DNM2: variants seen among roughly 807,000 people sequenced by gnomAD.
DNM2 encodes dynamin 2.
Under a neutral mutation model 99.0 loss-of-function variants are expected in DNM2, and 15 were observed. That is an observed-to-expected ratio of 0.15 (90% confidence interval 0.10 to 0.23). DNM2 has a LOEUF of 0.23. DNM2 is among the 10% of genes least tolerant of loss of function. The pLI is 1.00. For synonymous variants in DNM2, 525 were observed against 481.2 expected, an observed-to-expected ratio of 1.09 and a Z score of -1.19; for missense variants, 742 against 1,189.4, an observed-to-expected ratio of 0.62 and a Z score of 5.53.
intron 4 of DNM2, 21 bp from the exon 5 acceptor site, chr19:10,777,097 C>G: frequency 6.2e-7 from 1 of 1,613,958 alleles, no homozygotes. Flanking sequence ...CCTCTGACCT[C>G]TGACCTCTGG....
At chr19:10,808,338 A>G (rs529869241) in intron 13 of DNM2, among the ~76,000 whole-genome samples, 90 of 152,152 alleles carry the variant, frequency 5.9e-4, no homozygotes, top group South Asian at 2.1e-3. Flanking sequence ...GGTAATACAT[A>G]TGTTGTTGCT....
chr19:10,787,844 G>C (rs2071616429), intron 7 of DNM2, among the ~76,000 whole-genome samples: 1 of 151,442 alleles, frequency 6.6e-6, no homozygotes, highest in African/African-American at 2.4e-5. Context: ...CAAGAGAATT[G>C]CTTGAACCCA....
At chr19:10,747,448 G>C (rs575219914) in intron 1 of DNM2, among the ~76,000 whole-genome samples, 1 of 152,346 alleles carries the variant, frequency 6.6e-6, no homozygotes, top group South Asian at 2.1e-4. Context: ...GATGAGACCA[G>C]GGAGCAGGTG....
intron 1 of DNM2, among the ~76,000 whole-genome samples, chr19:10,720,678 C>T (rs1266248178): frequency 6.6e-6 from 1 of 152,028 alleles, no homozygotes. Context: ...TGCAGTGAGC[C>T]GTGATTGCAC....
intron 1 of DNM2, among the ~76,000 whole-genome samples, chr19:10,720,224 T>A (rs190735237): frequency 3.1e-4 from 47 of 150,672 alleles, no homozygotes; most frequent in South Asian, 1.7e-3. Flanking sequence ...TTATTTTTTT[T>A]TTTTTTGAGA....
rs1568305184 is a variant in DNM2 at position 10,795,389 on chromosome 19, G to A, written c.1146G>A (p.Lys382=). Reference sequence around the variant, plus strand: ...CTTCTCAGATGGAGTTTGACGAGAAGGACTTACGACGGGAGATCAGCTATG... The same window carrying A: ...CTTCTCAGATGGAGTTTGACGAGAAAGACTTACGACGGGAGATCAGCTATG... ...FELVKMEFDE[K]DLRREISYAI... The change falls in exon 9 of 21, where the codon AAG becomes AAA. Residue 382 remains lysine (K), a synonymous_variant. Transcript: ENST00000389253. This position sits in a 1 kb window ranked among gnomAD's most constrained non-coding sequence, Gnocchi z 4.2. 9.3e-6 allele frequency: 15 copies of A among 1,614,054 alleles called. No individual in the cohort carries two copies. Among genetic ancestry groups the A allele is most frequent in the Admixed American group, 1.7e-5 (1 of 59,994 alleles).
chr19:10,831,439 A>G lies in DNM2; in HGVS notation c.*392A>G, dbSNP rs1272358310. On this transcript the variant is annotated 3_prime_UTR_variant, in exon 21 of 21. Coordinates refer to ENST00000389253, the MANE Select transcript of DNM2 (RefSeq NM_001005361.3). The surrounding 1 kb of genome is among the most constrained non-coding windows in gnomAD (Gnocchi z 4.3). ...AAGTGCGGGCACCAAGGGCGCCTAC[A>G]TCCCCAGGCCTTGCTGGGGTGCAGG... The G allele has an allele frequency of 2.0e-6, 2 of 1,011,814 alleles. No individual in the cohort carries two copies. Among genetic ancestry groups the G allele is most frequent in the Non-Finnish European group, 2.4e-6 (2 of 847,468 alleles). 62.7% of individuals were successfully genotyped at this position (1,011,814 alleles called of 1,614,324 possible).
intron 18 of DNM2, among the ~76,000 whole-genome samples, chr19:10,827,924 A>G (rs2073197690): frequency 1.3e-5 from 2 of 152,182 alleles, no homozygotes; most frequent in Non-Finnish European, 2.9e-5. Flanking sequence ...AGGAGGTTCC[A>G]GAAAGGACAA....
chr19:10,787,859 G>A (rs189211462), intron 7 of DNM2, among the ~76,000 whole-genome samples: 437 of 152,014 alleles, frequency 2.9e-3, no homozygotes, highest in African/African-American at 0.01. Flanking sequence ...AACCCAGGAG[G>A]TTGAGGTTGC....
chr19:10,831,431 G>A lies in DNM2; in HGVS notation c.*384G>A. Reference sequence around the variant, plus strand: ...CCTTCTATAAGTGCGGGCACCAAGGGCGCCTACATCCCCAGGCCTTGCTGG... The same window carrying A: ...CCTTCTATAAGTGCGGGCACCAAGGACGCCTACATCCCCAGGCCTTGCTGG... On this transcript the variant is annotated 3_prime_UTR_variant, in exon 21 of 21. Transcript: ENST00000389253. The surrounding 1 kb of genome is among the most constrained non-coding windows in gnomAD (Gnocchi z 4.3). The A allele has an allele frequency of 2.9e-6, 3 of 1,018,312 alleles. No individual in the cohort carries two copies. The highest frequency in any genetic ancestry group is 2.3e-6 in the Non-Finnish European group (2 of 851,654). The allele number at this position is 1,018,312 out of a possible 1,614,324, so 63.1% of individuals were successfully genotyped here.
rs113004875 is a variant in DNM2 at position 10,760,043 on chromosome 19, C to CT, written c.235+240dup. Among the ~76,000 whole-genome samples the CT allele has an allele frequency of 0.016, 2,354 of 151,794 alleles. 65 individuals are homozygous for CT. Among genetic ancestry groups the CT allele is most frequent in the African/African-American group, 0.054 (2,223 of 41,354 alleles). On this transcript the variant is annotated intron_variant, in intron 2 of 20. Coordinates refer to ENST00000389253, the MANE Select transcript of DNM2 (RefSeq NM_001005361.3). ...AGGTGCCATGTGTGCTTTCTTTTTT[C>CT]TTTTTTTTGAGACAGAGTCTCACTC...
chr19:10,802,520 C>T (rs2072189563), intron 12 of DNM2, 162 bp downstream of exon 12: 1 of 797,896 alleles, frequency 1.3e-6, no homozygotes. Flanking sequence ...TGGAAGCTCT[C>T]CTGGGCTGAT....
In DNM2 at chr19:10,816,998, T is replaced by C. The variant is rs1285371824; in HGVS notation, c.1672-2982T>C. Among the ~76,000 whole-genome samples the C allele has an allele frequency of 6.6e-6, 1 of 152,138 alleles. No homozygotes were observed. The highest frequency in any genetic ancestry group is 1.5e-5 in the Non-Finnish European group (1 of 68,006). ...GCCGACCTGTGAAAGGGGCCCTGTGTGAGCCCCAGACACAAAGCAGGCTCC... is the reference window on the plus strand; with the variant it reads ...GCCGACCTGTGAAAGGGGCCCTGTGCGAGCCCCAGACACAAAGCAGGCTCC... On this transcript the variant is annotated intron_variant, in intron 15 of 20. Transcript: ENST00000389253. The surrounding 1 kb of genome is among the most constrained non-coding windows in gnomAD (Gnocchi z 4.6).
intron 1 of DNM2, among the ~76,000 whole-genome samples, chr19:10,747,967 T>C (rs2070052243): frequency 6.6e-6 from 1 of 151,994 alleles, no homozygotes; most frequent in South Asian, 2.1e-4. Flanking sequence ...GCAAAGGCCC[T>C]GGGGCAGGAC....
chr19:10,757,209 T>C (rs2070419934), intron 1 of DNM2, among the ~76,000 whole-genome samples: 1 of 152,114 alleles, frequency 6.6e-6, no homozygotes. Context: ...TCACGATCCC[T>C]TTTCTCATGC....
intron 1 of DNM2, among the ~76,000 whole-genome samples, chr19:10,744,259 A>G (rs1018320626): frequency 2.6e-5 from 4 of 152,128 alleles, no homozygotes; most frequent in African/African-American, 9.7e-5. Context: ...TTGCCCTGAG[A>G]TGGGAGACTT....
chr19:10,779,235 AT>A (rs1427258134), intron 5 of DNM2, among the ~76,000 whole-genome samples: 1 of 151,318 alleles, frequency 6.6e-6, no homozygotes, highest in African/African-American at 2.4e-5. Flanking sequence ...AAAAAGAAAA[AT>A]TTTTCAAGCA....
At chr19:10,737,243 G>C (rs573085954) in intron 1 of DNM2, among the ~76,000 whole-genome samples, 2 of 152,148 alleles carry the variant, frequency 1.3e-5, no homozygotes, top group East Asian at 3.9e-4. Context: ...CAGGTGAGGC[G>C]CTGTCCTACC....
At position 10,817,967 on chromosome 19, in the gene DNM2, C is replaced by T. The variant is rs576738440; in HGVS notation, c.1672-2013C>T. Among the ~76,000 whole-genome samples the T allele has an allele frequency of 9.2e-5, 14 of 152,128 alleles. No individual in the cohort carries two copies. In the East Asian group the frequency reaches 2.5e-3, roughly 27 times the overall value. ...GCCCTGCTGGCTGGAAGCTTCCGGC[C>T]GCGTGATATGATAGGGTCAGGGCAG... On this transcript the variant is annotated intron_variant, in intron 15 of 20. Coordinates refer to ENST00000389253, the MANE Select transcript of DNM2 (RefSeq NM_001005361.3). This position sits in a 1 kb window ranked among gnomAD's most constrained non-coding sequence, Gnocchi z 4.6.
Sources: allele counts gnomAD v4.1 joint callset (sites outside exome capture counted in the v4.1 genomes callset), GRCh38; gene constraint gnomAD v4.1.1; non-coding constraint Gnocchi (gnomAD v3.1); transcripts MANE v1.5; gene names NCBI Gene and HGNC (gene_info 2026-07-23, HGNC 2026-07-21).